The following AP1M1 variants were observed in gnomAD, a reference collection of about 807,000 sequenced individuals.
The protein encoded by AP1M1 is AP-1 complex subunit mu-1.
In AP1M1, 18 loss-of-function variants were observed where a neutral mutation model predicts 57.1. The ratio of observed to expected loss-of-function variants is 0.32; its 90% CI spans 0.22 to 0.47. AP1M1 has a LOEUF of 0.47. AP1M1 is among the 20% of genes least tolerant of loss of function. The pLI, the probability that AP1M1 is intolerant of heterozygous loss-of-function variation, is 1.00. For missense variants in AP1M1, 362 were observed against 593.5 expected, an observed-to-expected ratio of 0.61 and a Z score of 4.05; for synonymous variants, 241 against 237.9, an observed-to-expected ratio of 1.01 and a Z score of -0.12.
chr19:16,225,002 A>C (rs2091565032), intron 5 of AP1M1, among the ~76,000 whole-genome samples: 1 of 152,008 alleles, frequency 6.6e-6, no homozygotes. Flanking sequence ...GACGCAGGGA[A>C]GCTGTTGTGC....
At chr19:16,222,068 T>C (rs2145131827) in intron 5 of AP1M1, among the ~76,000 whole-genome samples, 1 of 152,312 alleles carries the variant, frequency 6.6e-6, no homozygotes, top group South Asian at 2.1e-4. Flanking sequence ...CATGTGTCCC[T>C]GAGGCTGCTT....
intron 5 of AP1M1, among the ~76,000 whole-genome samples, chr19:16,215,203 G>A (rs1329542449): frequency 2.1e-5 from 1 of 47,622 alleles, no homozygotes; most frequent in Admixed American, 1.8e-4. Context: ...GCGGGGGCGG[G>A]GGGGGGGGAG....
chr19:16,206,316 C>G lies in AP1M1; in HGVS notation c.200-25C>G. 1 of 1,613,510 alleles carries G rather than the reference C, an allele frequency of 6.2e-7. No homozygotes were observed. Among genetic ancestry groups the G allele is most frequent in the Non-Finnish European group, 8.5e-7 (1 of 1,179,492 alleles). ...AGGCAGCAGCCCCAGCCTCTGAATG[C>G]TCCTTAACTGTGGCCGCCATGCAGT... On this transcript the variant is annotated intron_variant, in intron 2 of 11. Coordinates refer to ENST00000291439, the MANE Select transcript of AP1M1 (RefSeq NM_032493.4). The surrounding 1 kb of genome is among the most constrained non-coding windows in gnomAD (Gnocchi z 4.3).
In AP1M1 at chr19:16,227,506, C is replaced by T; in HGVS notation, c.674-42C>T. 6.3e-7 allele frequency: 1 copy of T among 1,595,278 alleles called. No individual in the cohort carries two copies. The highest frequency in any genetic ancestry group is 8.6e-7 in the Non-Finnish European group (1 of 1,165,066). On this transcript the variant is annotated intron_variant, in intron 6 of 11. Transcript: ENST00000291439. The surrounding 1 kb of genome is among the most constrained non-coding windows in gnomAD (Gnocchi z 6.2). ...GTAGGAGTACTGCTGAGATAGTGACCCGGAGGGCCCAGATCTGTCCTACCC... is the reference window on the plus strand; with the variant it reads ...GTAGGAGTACTGCTGAGATAGTGACTCGGAGGGCCCAGATCTGTCCTACCC...
chr19:16,211,620 C>T (rs1263435107), intron 5 of AP1M1, among the ~76,000 whole-genome samples: 3 of 151,966 alleles, frequency 2.0e-5, no homozygotes, highest in African/African-American at 7.2e-5. Context: ...CGTGGTGATG[C>T]GCGCCTGTAA....
intron 1 of AP1M1, among the ~76,000 whole-genome samples, chr19:16,199,119 GTT>G (rs1428547975): frequency 1.3e-5 from 2 of 152,172 alleles, no homozygotes; most frequent in African/African-American, 2.4e-5. Context: ...AACAATCTGT[GTT>G]CTTACGGTGT....
In AP1M1 at chr19:16,234,843, G is replaced by A; in HGVS notation, c.*408G>A. The stretch of plus-strand genomic sequence containing the variant: ...GCCAGGCCAGCAGGGGCGTCGTTTT[G>A]TTGCCATTTTGTTGAACGTTATGGG... On this transcript the variant is annotated 3_prime_UTR_variant, in exon 12 of 12. Coordinates refer to ENST00000291439, the MANE Select transcript of AP1M1 (RefSeq NM_032493.4). The A allele has an allele frequency of 3.1e-6, 1 of 322,556 alleles. No individual in the cohort carries two copies. 20.0% of individuals were successfully genotyped at this position (322,556 alleles called of 1,614,324 possible).
At chr19:16,211,417 T>G (rs1396334307) in intron 5 of AP1M1, among the ~76,000 whole-genome samples, 2 of 151,462 alleles carry the variant, frequency 1.3e-5, no homozygotes, top group Admixed American at 1.3e-4. Flanking sequence ...TGAATAGGAG[T>G]GGTGAGAGAG....
At chr19:16,223,562 C>T (rs764968543) in intron 5 of AP1M1, among the ~76,000 whole-genome samples, 1 of 152,206 alleles carries the variant, frequency 6.6e-6, no homozygotes, top group Admixed American at 6.5e-5. Context: ...CACCACAGGG[C>T]CTGGGGCATG....
intron 5 of AP1M1, among the ~76,000 whole-genome samples, chr19:16,216,684 G>A (rs1405392053): frequency 6.6e-6 from 1 of 152,158 alleles, no homozygotes; most frequent in Non-Finnish European, 1.5e-5. Flanking sequence ...CTTCATTATT[G>A]GAAGATTTTA....
Position 16,234,204 on chromosome 19 carries a change from C to T in AP1M1, c.1179C>T (p.Arg393=), listed in dbSNP as rs201411972. 211 of 1,613,324 alleles carry T rather than the reference C, an allele frequency of 1.3e-4. No individual in the cohort carries two copies. Among genetic ancestry groups the T allele is most frequent in the Non-Finnish European group, 1.7e-4 (205 of 1,179,700 alleles). ...CCCTGCTACCTGTGCCCCAGGTGCG[C>T]TACCTGAAGATCATTGAGAAGAGTG... The part of the protein sequence containing the change: ...PYFTTSGIQV[R]YLKIIEKSGY... The change falls in exon 11 of 12, where the codon CGC becomes CGT. Residue 393 remains arginine, a synonymous_variant. Transcript: ENST00000291439.
rs2091635047 is a variant in AP1M1, at chr19:16,238,939, T to G, written c.*4504T>G. ...AGTTTTTTTGTTTTTTGTTTTTGTT[T>G]TTGTTTTTTTTGAGACAGAGTTTTG... On this transcript the variant is annotated 3_prime_UTR_variant, in exon 12 of 12. Coordinates refer to ENST00000291439, the MANE Select transcript of AP1M1 (RefSeq NM_032493.4). The G allele has an allele frequency of 6.5e-6, 1 of 152,982 alleles. No homozygotes were observed. The highest frequency in any genetic ancestry group is 2.4e-5 in the African/African-American group (1 of 41,292). 9.5% of individuals were successfully genotyped at this position (152,982 alleles called of 1,614,324 possible).
In AP1M1 at chr19:16,238,257, G is replaced by A. The variant is rs2091632656; in HGVS notation, c.*3822G>A. ...CAGAACTCTAGTTGAGAAAAGCCCT[G>A]AGAAGTCCATGCACCAATATATAGA... On this transcript the variant is annotated 3_prime_UTR_variant, in exon 12 of 12. Coordinates refer to ENST00000291439, the MANE Select transcript of AP1M1 (RefSeq NM_032493.4). 1 of 152,206 alleles carries A rather than the reference G, an allele frequency of 6.6e-6. No individual in the cohort carries two copies. The highest frequency in any genetic ancestry group is 1.5e-5 in the Non-Finnish European group (1 of 68,054). The allele number at this position is 152,206 out of a possible 1,614,324, so 9.4% of individuals were successfully genotyped here.
chr19:16,233,046 T>G (rs1020231239), intron 9 of AP1M1, among the ~76,000 whole-genome samples: 30 of 152,210 alleles, frequency 2.0e-4, no homozygotes, highest in African/African-American at 7.2e-4. Flanking sequence ...TCTCTTTTCT[T>G]TCACATGCTG....
At chr19:16,223,970 C>G (rs2091557583) in intron 5 of AP1M1, among the ~76,000 whole-genome samples, 1 of 152,196 alleles carries the variant, frequency 6.6e-6, no homozygotes, top group African/African-American at 2.4e-5. Context: ...CACTCAGGTC[C>G]CGTTTCTGAC....
rs1477534189 is a variant in AP1M1, at chr19:16,239,800, C to T, written c.*5365C>T. ...ACACTGTCTCAAAAAAAAAAATTAA[C>T]AACTTGGTTGGAGGGTGTTAAAATA... On this transcript the variant is annotated 3_prime_UTR_variant, in exon 12 of 12. Coordinates refer to ENST00000291439, the MANE Select transcript of AP1M1 (RefSeq NM_032493.4). 1.3e-5 allele frequency: 2 copies of T among 151,816 alleles called. No homozygotes were observed. The highest frequency in any genetic ancestry group is 2.4e-5 in the African/African-American group (1 of 41,318). 9.4% of individuals were successfully genotyped at this position (151,816 alleles called of 1,614,324 possible). A position where few individuals can be genotyped will look rare whatever the true frequency, so the allele number is the denominator to read the frequency against.
chr19:16,227,558 C>G lies in AP1M1; in HGVS notation c.684C>G (p.Ser228Arg). The G allele has an allele frequency of 6.2e-7, 1 of 1,613,840 alleles. No individual in the cohort carries two copies. The highest frequency in any genetic ancestry group is 8.5e-7 in the Non-Finnish European group (1 of 1,179,788). The change falls in exon 7 of 12, where the codon AGC becomes AGG. Residue 228 changes from serine to arginine, a missense_variant. Ser to Arg is a moderately radical substitution (Grantham distance 110). Coordinates refer to ENST00000291439, the MANE Select transcript of AP1M1 (RefSeq NM_032493.4). The surrounding 1 kb of genome is among the most constrained non-coding windows in gnomAD (Gnocchi z 6.2). The stretch of plus-strand genomic sequence containing the variant: ...CACCCCTGACCCCAGGCGGCAAAAG[C>G]AAATCCGTGGAGCTGGAGGATGTGA... ...VLFDNTGRGK[S>R]KSVELEDVKF... is the part of the protein sequence containing the mutation.
At chr19:16,218,136 C>A (rs1019249565) in intron 5 of AP1M1, among the ~76,000 whole-genome samples, 2 of 152,252 alleles carry the variant, frequency 1.3e-5, no homozygotes, top group Non-Finnish European at 2.9e-5. Flanking sequence ...TGCAGAGCTG[C>A]CTCTGAGCTG....
chr19:16,219,390 G>GT (rs1296602911), intron 5 of AP1M1, among the ~76,000 whole-genome samples: 3 of 75,996 alleles, frequency 3.9e-5, no homozygotes, highest in African/African-American at 6.8e-5. Flanking sequence ...ATTCATTTTT[G>GT]TTTTTTTGTT....
Sources: gnomAD v4.1 joint callset for allele counts (sites outside exome capture counted in the v4.1 genomes callset) on GRCh38, gnomAD v4.1.1 for gene constraint, Gnocchi (gnomAD v3.1) non-coding constraint, MANE v1.5 for transcripts, NCBI Gene and HGNC (gene_info 2026-07-23, HGNC 2026-07-21) for gene names.